Variants in C3orf20 observed in about 807,000 individuals in gnomAD.
The protein encoded by C3orf20 is family with sequence similarity 149 member C.
C3orf20 carries 76 observed loss-of-function variants against 88.3 expected under a neutral mutation model. The ratio of observed to expected loss-of-function variants is 0.86; its 90% CI spans 0.72 to 1.04. The LOEUF (loss-of-function observed/expected upper bound fraction) is 1.04. Ranked by LOEUF, C3orf20 falls within the 50% of genes least tolerant of loss-of-function variation. C3orf20 has a pLI of 0.00. For synonymous variants in C3orf20, 436 were observed against 437.4 expected (o/e 1.00, Z 0.04); for missense variants, 1,056 against 1,123.3 (o/e 0.94, Z 0.86).
In C3orf20 at chr3:14,757,470, T is replaced by A. The variant is rs1186191145; in HGVS notation, c.2040T>A (p.Arg680=). ...LRKLMLKEDT[R]AGCKCLVKAP... ...AGCTCATGCTCAAGGAAGACACCCG[T>A]GCTGGCTGCAAGTGCCTGGTGAAGG... Residue 680 remains arginine (R), a synonymous_variant, in exon 13 of 17, where the codon CGT becomes CGA. Coordinates refer to ENST00000253697, the MANE Select transcript of C3orf20 (RefSeq NM_032137.5). The A allele has an allele frequency of 3.7e-6, 6 of 1,613,204 alleles. No individual in the cohort carries two copies. The highest frequency in any genetic ancestry group is 1.3e-5 in the African/African-American group (1 of 74,926).
rs183696570 is a variant in C3orf20 at position 14,742,249 on chromosome 3, G to A, written c.1940+13561G>A. ...AGGGAAAAGAGAATTTTAAATTTAC[G>A]GAGGACTTTTAGATTTTTGGCTTAA... On this transcript the variant is annotated intron_variant, in intron 12 of 16. Coordinates refer to ENST00000253697, the MANE Select transcript of C3orf20 (RefSeq NM_032137.5). Among the ~76,000 whole-genome samples, 369 of 152,278 alleles carry A rather than the reference G, an allele frequency of 2.4e-3. 1 individual carries two copies. The highest frequency in any genetic ancestry group is 4.2e-3 in the Non-Finnish European group (284 of 68,034).
rs191413695 is a variant in C3orf20, at chr3:14,682,271, G to T, written c.-197G>T. On this transcript the variant is annotated 5_prime_UTR_variant, in exon 2 of 17. Coordinates refer to ENST00000253697, the MANE Select transcript of C3orf20 (RefSeq NM_032137.5). ...ACCAGTGAAACATCTTTTTATTCTTGCAGGTTCTTAATGATTGACCACAAG... is the reference window on the plus strand; with the variant it reads ...ACCAGTGAAACATCTTTTTATTCTTTCAGGTTCTTAATGATTGACCACAAG... 2.8e-3 allele frequency: 453 copies of T among 159,718 alleles called. 2 individuals are homozygous for T. Among genetic ancestry groups the T allele is most frequent in the Middle Eastern group, 6.5e-3 (2 of 310 alleles). The allele number at this position is 159,718 out of a possible 1,614,324, so 9.9% of individuals were successfully genotyped here. A position where few individuals can be genotyped will look rare whatever the true frequency, so the allele number is the denominator to read the frequency against.
rs1197533820 is a variant in C3orf20 at position 14,714,036 on chromosome 3, A to G, written c.1190A>G (p.Gln397Arg). 2.5e-6 allele frequency: 4 copies of G among 1,614,140 alleles called. No homozygotes were observed. Among genetic ancestry groups the G allele is most frequent in the Non-Finnish European group, 2.5e-6 (3 of 1,180,018 alleles). Reference sequence around the variant, plus strand: ...CCCTCTGGAAACGTCGCTGTATGTCAGATCCCCACATGCTGCAGAGGGAGA... The same window carrying G: ...CCCTCTGGAAACGTCGCTGTATGTCGGATCCCCACATGCTGCAGAGGGAGA... ...YYPSGNVAVC[Q>R]IPTCCRGRTI... is the part of the protein sequence containing the mutation. Residue 397 changes from glutamine to arginine, a missense_variant, in exon 8 of 17, where the codon CAG (glutamine) becomes CGG (arginine). Transcript: ENST00000253697.
At chr3:14,756,550 T>G (rs1328117063) in intron 12 of C3orf20, among the ~76,000 whole-genome samples, 6 of 150,726 alleles carry the variant, frequency 4.0e-5, no homozygotes, top group Non-Finnish European at 4.4e-5. Flanking sequence ...AGGGAAAGAG[T>G]GTTGGAAGAA....
chr3:14,751,567 T>C (rs558867461), intron 12 of C3orf20, among the ~76,000 whole-genome samples: 8 of 152,324 alleles, frequency 5.3e-5, no homozygotes, highest in African/African-American at 1.9e-4. Flanking sequence ...GACATGATTG[T>C]ATATTTAGAA....
intron 5 of C3orf20, among the ~76,000 whole-genome samples, chr3:14,694,419 G>C (rs917435209): frequency 6.6e-6 from 1 of 152,020 alleles, no homozygotes; most frequent in Non-Finnish European, 1.5e-5. Context: ...GTTTTGATAG[G>C]TTGTATGTGT....
At chr3:14,698,042 A>G (rs544086145) in intron 5 of C3orf20, among the ~76,000 whole-genome samples, 1 of 152,350 alleles carries the variant, frequency 6.6e-6, no homozygotes, top group South Asian at 2.1e-4. Context: ...TCTTTATAGT[A>G]GCATGATTTA....
In C3orf20 at chr3:14,752,191, A is replaced by G. The variant is rs1183285212; in HGVS notation, c.1941-5180A>G. On this transcript the variant is annotated intron_variant, in intron 12 of 16. Transcript: ENST00000253697. ...GAAATAACACCACACATCTACAACC[A>G]TCTGATCTTTGACAAACCTGACAAA... Among the ~76,000 whole-genome samples the G allele has an allele frequency of 2.6e-5, 4 of 152,208 alleles. No individual in the cohort carries two copies. In the East Asian group the frequency reaches 5.8e-4, roughly 22 times the overall value.
chr3:14,764,581 T>C (rs1482261866), intron 15 of C3orf20, among the ~76,000 whole-genome samples: 1 of 151,960 alleles, frequency 6.6e-6, no homozygotes, highest in African/African-American at 2.4e-5. Context: ...AGCTAAGTGG[T>C]TCTTGTTTGG....
chr3:14,703,959 A>C (rs2033388931), intron 6 of C3orf20, among the ~76,000 whole-genome samples: 1 of 151,998 alleles, frequency 6.6e-6, no homozygotes, highest in African/African-American at 2.4e-5. Context: ...ACATGGGGAG[A>C]GGGCAGCCAC....
At chr3:14,741,241 G>A (rs570613795) in intron 12 of C3orf20, among the ~76,000 whole-genome samples, 2 of 152,030 alleles carry the variant, frequency 1.3e-5, no homozygotes, top group African/African-American at 4.8e-5. Flanking sequence ...TAGCTCTTCG[G>A]GTCCTCAACT....
intron 4 of C3orf20, among the ~76,000 whole-genome samples, chr3:14,687,470 C>T (rs978665625): frequency 2.0e-5 from 3 of 152,158 alleles, no homozygotes; most frequent in African/African-American, 7.2e-5. Flanking sequence ...GACCACAGGT[C>T]CTCTAGTTGT....
At chr3:14,711,954 A>G (rs1303627078) in intron 7 of C3orf20, among the ~76,000 whole-genome samples, 2 of 151,450 alleles carry the variant, frequency 1.3e-5, no homozygotes, top group African/African-American at 4.9e-5. Flanking sequence ...CCTTTTCTCC[A>G]TATTTTTAAG....
At position 14,768,834 on chromosome 3, in the gene C3orf20, G is replaced by A. The variant is rs2035788951; in HGVS notation, c.2496-3233G>A. Among the ~76,000 whole-genome samples, 1 of 152,002 alleles carries A rather than the reference G, an allele frequency of 6.6e-6. No homozygotes were observed. Among genetic ancestry groups the A allele is most frequent in the South Asian group, 2.1e-4 (1 of 4,794 alleles). Reference sequence around the variant, plus strand: ...TGAGTACAAAGGCTTTGAAATTCCTGGAGGGACTGGCCTGTTGCAAAGCCC... The same window carrying A: ...TGAGTACAAAGGCTTTGAAATTCCTAGAGGGACTGGCCTGTTGCAAAGCCC... On this transcript the variant is annotated intron_variant, in intron 15 of 16. Transcript: ENST00000253697. This position sits in a 1 kb window ranked among gnomAD's most constrained non-coding sequence, Gnocchi z 4.1.
chr3:14,693,751 G>A (rs1157833472), intron 5 of C3orf20, among the ~76,000 whole-genome samples: 1 of 152,136 alleles, frequency 6.6e-6, no homozygotes, highest in Admixed American at 6.5e-5. Flanking sequence ...GTGAAAGTGG[G>A]CATCCTTGTC....
chr3:14,740,680 G>C (rs2034874559), intron 12 of C3orf20, among the ~76,000 whole-genome samples: 1 of 152,116 alleles, frequency 6.6e-6, no homozygotes, highest in Non-Finnish European at 1.5e-5. Context: ...TCTCTGTTCT[G>C]TATATTTCAT....
intron 12 of C3orf20, among the ~76,000 whole-genome samples, chr3:14,740,378 G>A (rs533187383): frequency 6.6e-6 from 1 of 152,268 alleles, no homozygotes; most frequent in Admixed American, 6.5e-5. Context: ...TAAGTTTGCT[G>A]TCTTATATGG....
chr3:14,721,564 C>T, intron 9 of C3orf20, 89 bp from the exon 10 acceptor site: 2 of 1,535,904 alleles, frequency 1.3e-6, no homozygotes, highest in South Asian at 2.5e-5. Context: ...CCCAAGCCAA[C>T]AGGGGCTTTG....
At chr3:14,713,906 C>G in intron 7 of C3orf20, 101 bp from the exon 8 acceptor site, 1 of 1,311,510 alleles carries the variant, frequency 7.6e-7, no homozygotes, top group Non-Finnish European at 1.1e-6. Flanking sequence ...GAATGATGCA[C>G]CAAATAGCTA....
Sources: gnomAD v4.1 joint callset for allele counts (sites outside exome capture counted in the v4.1 genomes callset) on GRCh38, gnomAD v4.1.1 for gene constraint, Gnocchi (gnomAD v3.1) non-coding constraint, MANE v1.5 for transcripts, NCBI Gene and HGNC (gene_info 2026-07-23, HGNC 2026-07-21) for gene names.